TMTC1: variants seen among roughly 807,000 people sequenced by gnomAD.
TMTC1 encodes protein O-mannosyl-transferase TMTC1.
A neutral mutation model predicts 104.8 loss-of-function variants in TMTC1; 73 were observed. That is an observed-to-expected ratio of 0.70 (90% CI 0.58 to 0.85). The LOEUF (loss-of-function observed/expected upper bound fraction) is 0.85. Ranked by LOEUF, TMTC1 falls within the 40% of genes least tolerant of loss-of-function variation. The pLI, the probability that TMTC1 is intolerant of heterozygous loss-of-function variation, is 0.00. For missense variants in TMTC1, 1,035 were observed against 1,096.1 expected (o/e 0.94, Z 0.79); for synonymous variants, 434 against 428.7 (o/e 1.01, Z -0.15).
rs563135388 is a variant in TMTC1, at chr12:29,517,724, C to A, written c.2025-153G>T. 2.0e-5 allele frequency among the ~76,000 whole-genome samples: 3 copies of A among 151,200 alleles called. 1 individual carries two copies. In the South Asian group the frequency reaches 6.3e-4, roughly 32 times the overall value. ...TCAATAACAAGGTTTTTGGCTTTTT[C>A]TTTTTTTTTGAGACAGAGTCTCACT... On this transcript the variant is annotated intron_variant, in intron 13 of 17. Transcript: ENST00000539277.
intron 2 of TMTC1, among the ~76,000 whole-genome samples, chr12:29,764,815 C>T (rs1361914202): frequency 6.6e-6 from 1 of 152,124 alleles, no homozygotes; most frequent in African/African-American, 2.4e-5. Flanking sequence ...AGTACAAAAG[C>T]TCGCTGCAAC....
chr12:29,517,614 G>C, intron 13 of TMTC1, 43 bp from the exon 14 acceptor site: 3 of 1,610,818 alleles, frequency 1.9e-6, no homozygotes, highest in Non-Finnish European at 2.5e-6. Flanking sequence ...CTTCTAATAG[G>C]TACATTTCCA....
intron 5 of TMTC1, among the ~76,000 whole-genome samples, chr12:29,749,042 A>G (rs1020845873): frequency 6.6e-6 from 1 of 152,180 alleles, no homozygotes; most frequent in African/African-American, 2.4e-5. Flanking sequence ...TGGTCAGTGA[A>G]GTCACACTCG....
intron 8 of TMTC1, among the ~76,000 whole-genome samples, chr12:29,572,473 G>T (rs1416419965): frequency 1.3e-5 from 2 of 152,196 alleles, no homozygotes; most frequent in Non-Finnish European, 1.5e-5. Context: ...TGAACAAAAT[G>T]CCCTTAGCAT....
intron 11 of TMTC1, among the ~76,000 whole-genome samples, chr12:29,526,809 T>C (rs1944360502): frequency 6.6e-6 from 1 of 152,182 alleles, no homozygotes; most frequent in Admixed American, 6.5e-5. Context: ...TTTTTTCTCC[T>C]GTGGCCTATA....
chr12:29,727,261 T>G (rs12313204), intron 5 of TMTC1, among the ~76,000 whole-genome samples: 3 of 152,152 alleles, frequency 2.0e-5, no homozygotes, highest in Non-Finnish European at 4.4e-5. Context: ...AGATTTTGCA[T>G]ACTGCAGGTA....
chr12:29,576,446 T>C (rs147771255), intron 8 of TMTC1, among the ~76,000 whole-genome samples: 2 of 152,266 alleles, frequency 1.3e-5, no homozygotes, highest in Admixed American at 6.5e-5. Flanking sequence ...TGAAACATTA[T>C]TCAGCCTTAA....
intron 5 of TMTC1, among the ~76,000 whole-genome samples, chr12:29,707,435 C>A (rs1280970153): frequency 6.6e-6 from 1 of 152,188 alleles, no homozygotes; most frequent in Non-Finnish European, 1.5e-5. Context: ...CCAAGCATCT[C>A]CCCCGCCTCT....
chr12:29,519,792 C>T (rs1944096596), intron 12 of TMTC1: 1 of 152,150 alleles, frequency 6.6e-6, no homozygotes, highest in Admixed American at 6.5e-5. Flanking sequence ...GGTGGCACTA[C>T]ACAACAATTT....
intron 13 of TMTC1, among the ~76,000 whole-genome samples, 168 bp downstream of exon 13, chr12:29,518,304 A>G (rs955003076): frequency 2.6e-5 from 4 of 152,178 alleles, no homozygotes; most frequent in Non-Finnish European, 5.9e-5. Flanking sequence ...ATGAATTATG[A>G]TCCCATTTAT....
At chr12:29,650,718 C>G (rs1473692041) in intron 5 of TMTC1, among the ~76,000 whole-genome samples, 1 of 152,168 alleles carries the variant, frequency 6.6e-6, no homozygotes, top group Non-Finnish European at 1.5e-5. Context: ...ATGATCTGAG[C>G]TTTCACAAAC....
intron 11 of TMTC1, chr12:29,529,808 T>A (rs942016783): frequency 6.6e-6 from 1 of 152,206 alleles, no homozygotes; most frequent in Non-Finnish European, 1.5e-5. Context: ...AATCTGGCAT[T>A]CTTCCCCACC....
intron 7 of TMTC1, among the ~76,000 whole-genome samples, chr12:29,602,563 C>T (rs145185347): frequency 1.2e-4 from 19 of 152,276 alleles, no homozygotes; most frequent in African/African-American, 4.3e-4. Context: ...AGTTTGAATG[C>T]AGGCCCTCTG....
At chr12:29,682,117 A>G (rs1191970696) in intron 5 of TMTC1, among the ~76,000 whole-genome samples, 1 of 152,210 alleles carries the variant, frequency 6.6e-6, no homozygotes, top group African/African-American at 2.4e-5. Context: ...GTGTTTCACT[A>G]CAGAATATAT....
chr12:29,756,001 A>C, intron 3 of TMTC1, 116 bp from the exon 4 acceptor site: 1 of 1,077,346 alleles, frequency 9.3e-7, no homozygotes, highest in Non-Finnish European at 1.3e-6. Context: ...GTAATTAAGC[A>C]GGTAAGTAGA....
chr12:29,776,282 C>T (rs1943705221), intron 1 of TMTC1, among the ~76,000 whole-genome samples: 1 of 152,170 alleles, frequency 6.6e-6, no homozygotes, highest in Non-Finnish European at 1.5e-5. Context: ...TCATTCTCTA[C>T]ACAGAGTTAC....
chr12:29,659,967 T>G lies in TMTC1; in HGVS notation c.939-26631A>C, dbSNP rs555180332. Reference sequence around the variant, plus strand: ...TCCTCCCATTATCCACAGACGGAAGTACAAAATGACAAGCACCTTCAGAAA... The same window carrying G: ...TCCTCCCATTATCCACAGACGGAAGGACAAAATGACAAGCACCTTCAGAAA... On this transcript the variant is annotated intron_variant, in intron 5 of 17. Coordinates refer to ENST00000539277, the MANE Select transcript of TMTC1 (RefSeq NM_001193451.2). The G allele has an allele frequency of 5.2e-6, 8 of 1,535,686 alleles. No individual in the cohort carries two copies. In the South Asian group the frequency reaches 8.3e-5, roughly 16 times the overall value.
chr12:29,585,711 T>C (rs1339086442), intron 7 of TMTC1, among the ~76,000 whole-genome samples: 1 of 152,176 alleles, frequency 6.6e-6, no homozygotes, highest in Non-Finnish European at 1.5e-5. Flanking sequence ...CCTTTCCCCA[T>C]TGCTTTTTGT....
At chr12:29,693,817 G>A (rs752853140) in intron 5 of TMTC1, among the ~76,000 whole-genome samples, 1 of 152,150 alleles carries the variant, frequency 6.6e-6, no homozygotes, top group Non-Finnish European at 1.5e-5. Context: ...GACAGCCAGG[G>A]TTGAAAAGAG....
Sources: allele counts gnomAD v4.1 joint callset (sites outside exome capture counted in the v4.1 genomes callset), GRCh38; gene constraint gnomAD v4.1.1; transcripts MANE v1.5; gene names NCBI Gene and HGNC (gene_info 2026-07-23, HGNC 2026-07-21).